Variants in TACC1 observed in about 807,000 individuals in gnomAD.
The protein encoded by TACC1 is transforming acidic coiled-coil containing protein 1.
In TACC1, 48 loss-of-function variants were observed where a neutral mutation model predicts 84.4. That is an observed-to-expected ratio of 0.57 (90% CI 0.45 to 0.72). The LOEUF (loss-of-function observed/expected upper bound fraction) is 0.72, where lower values mean the gene tolerates loss of function less well. Ranked by LOEUF, TACC1 falls within the 30% of genes least tolerant of loss-of-function variation. TACC1 has a pLI of 0.00. For synonymous variants in TACC1, 372 were observed against 376.3 expected, an observed-to-expected ratio of 0.99 and a Z score of 0.13; for missense variants, 920 against 973.0, an observed-to-expected ratio of 0.95 and a Z score of 0.72.
At chr8:38,743,525 A>G (rs1807490189) in intron 2 of TACC1, among the ~76,000 whole-genome samples, 1 of 152,168 alleles carries the variant, frequency 6.6e-6, no homozygotes, top group Non-Finnish European at 1.5e-5. Context: ...CTCCTTATCT[A>G]TAGAGTAGGG....
chr8:38,732,792 A>G (rs1805216566), intron 1 of TACC1, among the ~76,000 whole-genome samples: 1 of 152,258 alleles, frequency 6.6e-6, no homozygotes, highest in Middle Eastern at 3.2e-3. Flanking sequence ...TGGAGTTGGC[A>G]TTCTAATTTA....
chr8:38,803,396 G>T (rs1317699284), intron 2 of TACC1, among the ~76,000 whole-genome samples: 2 of 152,204 alleles, frequency 1.3e-5, no homozygotes, highest in Non-Finnish European at 2.9e-5. Context: ...GACGTCAGCT[G>T]TGAGTTTTTC....
At chr8:38,838,774 A>G (rs1830683770) in intron 8 of TACC1, among the ~76,000 whole-genome samples, 1 of 152,246 alleles carries the variant, frequency 6.6e-6, no homozygotes, top group African/African-American at 2.4e-5. Context: ...AGAACATATA[A>G]CATGTAAACA....
chr8:38,757,233 C>CCCCCCCAAAAA, intron 3 of TACC1: 1 of 516,058 alleles, frequency 1.9e-6, no homozygotes, highest in Non-Finnish European at 2.8e-6. Flanking sequence ...TCCCTCGCCC[C>CCCCCCCAAAAA]ACCCTTCCTC....
At chr8:38,807,195 T>C (rs187085346) in intron 2 of TACC1, among the ~76,000 whole-genome samples, 14 of 152,282 alleles carry the variant, frequency 9.2e-5, no homozygotes, top group Non-Finnish European at 1.8e-4. Context: ...TTTTATAACT[T>C]GGTCTTCAGC....
In TACC1 at chr8:38,848,015, A is replaced by G. The variant is rs1351536196; in HGVS notation, c.2410A>G (p.Thr804Ala). The G allele has an allele frequency of 6.2e-7, 1 of 1,613,686 alleles. No homozygotes were observed. Among genetic ancestry groups the G allele is most frequent in the South Asian group, 1.1e-5 (1 of 91,012 alleles). Residue 804 changes from threonine (T) to alanine (A), a missense_variant, in exon 13 of 13, where the codon ACT (threonine) becomes GCT (alanine). Physicochemically the swap from Thr to Ala is moderately conservative, Grantham distance 58. This residue lies in a region of TACC1 where 158 missense variants were observed against 225.6 expected (regional missense o/e 0.70). Transcript: ENST00000317827. The stretch of plus-strand genomic sequence containing the variant: ...TGAGCTGATTGCAAAGCTGGGAAAG[A>G]CTGACTGAGACACTCCCCCTGTTAG... ...CDELIAKLGK[T>A]D
At chr8:38,768,101 AAG>A (rs1587446645) in intron 3 of TACC1, among the ~76,000 whole-genome samples, 2 of 144,120 alleles carry the variant, frequency 1.4e-5, no homozygotes, top group East Asian at 4.0e-4. Context: ...GGAAGGAAGG[AAG>A]GAAGGAAGGA....
chr8:38,781,979 T>A (rs1456622390), intron 3 of TACC1, among the ~76,000 whole-genome samples: 2 of 148,514 alleles, frequency 1.3e-5, no homozygotes, highest in Non-Finnish European at 3.0e-5. Flanking sequence ...TAAATCTTTA[T>A]TTTTTTTATT....
chr8:38,758,049 A>C (rs1409480873), intron 3 of TACC1, among the ~76,000 whole-genome samples: 2 of 152,242 alleles, frequency 1.3e-5, no homozygotes, highest in Non-Finnish European at 2.9e-5. Flanking sequence ...GGTTTGAAAG[A>C]TGGCCAATGC....
Position 38,838,960 on chromosome 8 carries a change from G to A in TACC1, c.1916+414G>A, listed in dbSNP as rs1009259368. Among the ~76,000 whole-genome samples the A allele has an allele frequency of 2.2e-4, 33 of 151,962 alleles. 1 individual carries two copies. The East Asian group carries it at 2.3e-3, about 11-fold the overall frequency. On this transcript the variant is annotated intron_variant, in intron 8 of 12. Transcript: ENST00000317827. ...CATCCAGGCTGGAGTGCAGTGGTGTGATCATGGCTCACTGCAGCCTCAACC... is the reference window on the plus strand; with the variant it reads ...CATCCAGGCTGGAGTGCAGTGGTGTAATCATGGCTCACTGCAGCCTCAACC...
At chr8:38,739,637 A>G (rs528960610) in intron 1 of TACC1, among the ~76,000 whole-genome samples, 1 of 152,254 alleles carries the variant, frequency 6.6e-6, no homozygotes, top group African/African-American at 2.4e-5. Context: ...TTTTTCTTTG[A>G]TTTGCATACG....
rs1399405281 is a variant in TACC1 at position 38,843,278 on chromosome 8, CT to C, written c.2122-8del. The stretch of plus-strand genomic sequence containing the variant: ...ATGACCTGTTTATTTTCAATTTTTG[CT>C]TTGGAACAGAATGAAGAAGCCTTGA... On this transcript the variant is annotated splice_polypyrimidine_tract_variant and intron_variant, in intron 10 of 12. Transcript: ENST00000317827. 6 of 1,546,204 alleles carry C rather than the reference CT, an allele frequency of 3.9e-6. No individual in the cohort carries two copies. The highest frequency in any genetic ancestry group is 5.2e-6 in the Non-Finnish European group (6 of 1,147,242).
chr8:38,795,214 CTT>C (rs950837418), intron 2 of TACC1, among the ~76,000 whole-genome samples: 20 of 152,136 alleles, frequency 1.3e-4, no homozygotes, highest in African/African-American at 3.6e-4. Context: ...CCAGCAGAAA[CTT>C]GTGAGAGTGC....
rs1263091867 is a variant in TACC1, at chr8:38,846,783, G to A, written c.2313G>A (p.Met771Ile). The change falls in exon 12 of 13, where the codon ATG (methionine) becomes ATA (isoleucine). Residue 771 changes from methionine (M) to isoleucine (I), a missense_variant. Transcript: ENST00000317827. ...ATGCTGGACTCCGCAAAGAGCAGAT[G>A]AAGGTGGAGTCCCTGGAAAGGGCCC... is the stretch of plus-strand genomic sequence containing the variant. ...ALHAGLRKEQ[M>I]KVESLERALQ... 6.2e-7 allele frequency: 1 copy of A among 1,614,204 alleles called. No individual in the cohort carries two copies. The highest frequency in any genetic ancestry group is 1.7e-5 in the Admixed American group (1 of 60,028).
intron 3 of TACC1, among the ~76,000 whole-genome samples, chr8:38,770,661 T>C (rs1280009516): frequency 6.6e-6 from 1 of 152,198 alleles, no homozygotes; most frequent in Non-Finnish European, 1.5e-5. Context: ...TTTGAATGAC[T>C]GACTTTAATT....
At chr8:38,825,167 C>T (rs1827756456) in intron 3 of TACC1, 141 bp from the exon 4 acceptor site, 6 of 837,886 alleles carry the variant, frequency 7.2e-6, no homozygotes, top group Non-Finnish European at 1.2e-5. Flanking sequence ...GTCCCTGCCT[C>T]TCTCCTGCGG....
At chr8:38,785,026 G>T (rs1398116935), upstream of TACC1, among the ~76,000 whole-genome samples, 1 of 151,286 alleles carries the variant, frequency 6.6e-6, no homozygotes, top group Non-Finnish European at 1.5e-5. Context: ...GGATGTTCGG[G>T]GTATAGAAAT....
intron 3 of TACC1, among the ~76,000 whole-genome samples, chr8:38,749,532 C>T (rs1808648997): frequency 6.6e-6 from 1 of 151,982 alleles, no homozygotes; most frequent in African/African-American, 2.4e-5. Context: ...AATCCAGCAG[C>T]ATAAAAAAGG....
Position 38,852,624 on chromosome 8 carries a change from C to T in TACC1, c.*4601C>T, listed in dbSNP as rs577306697. On this transcript the variant is annotated 3_prime_UTR_variant, in exon 13 of 13. Coordinates refer to ENST00000317827, the MANE Select transcript of TACC1 (RefSeq NM_006283.3). ...ACCACACCAGAGCCTCAGCCTCGGT[C>T]CTTCTCAGCCGTCGGGATAGGATCC... is the stretch of plus-strand genomic sequence containing the variant. The T allele has an allele frequency of 1.1e-3, 164 of 152,648 alleles. No individual in the cohort carries two copies. The highest frequency in any genetic ancestry group is 1.6e-3 in the Non-Finnish European group (108 of 68,046). 9.5% of individuals were successfully genotyped at this position (152,648 alleles called of 1,614,324 possible).
Sources: gnomAD v4.1 joint callset for allele counts (sites outside exome capture counted in the v4.1 genomes callset) on GRCh38, gnomAD v4.1.1 for gene constraint, gnomAD v4.1.1 regional missense constraint, MANE v1.5 for transcripts, NCBI Gene and HGNC (gene_info 2026-07-23, HGNC 2026-07-21) for gene names.